The following SRFBP1 variants were observed in gnomAD, a reference collection of about 807,000 sequenced individuals.
The protein encoded by SRFBP1 is serum response factor-binding protein 1.
A neutral mutation model predicts 45.5 loss-of-function variants in SRFBP1; 47 were observed. The observed-to-expected ratio is 1.03, with a 90% CI of 0.82 to 1.32. The LOEUF (loss-of-function observed/expected upper bound fraction) is 1.32, where lower values mean the gene tolerates loss of function less well. Among genes scored for constraint, SRFBP1 ranks in the 40% most tolerant of loss-of-function variants. The pLI is 0.00. For missense variants in SRFBP1, 621 were observed against 484.6 expected, an observed-to-expected ratio of 1.28 and a Z score of -2.64; for synonymous variants, 203 against 166.3, an observed-to-expected ratio of 1.22 and a Z score of -1.70.
intron 2 of SRFBP1, among the ~76,000 whole-genome samples, chr5:122,059,328 G>A (rs933907845): frequency 6.6e-6 from 1 of 152,042 alleles, no homozygotes; most frequent in Non-Finnish European, 1.5e-5. Context: ...CAGAGAGCAG[G>A]TTGCCTAAAT....
At chr5:122,068,478 C>A (rs572836703) in intron 2 of SRFBP1, among the ~76,000 whole-genome samples, 10 of 152,230 alleles carry the variant, frequency 6.6e-5, no homozygotes, top group African/African-American at 2.4e-4. Flanking sequence ...TATTGTATCT[C>A]TATTACAGTT....
At chr5:122,045,947 A>C (rs1753848366) in intron 2 of SRFBP1, among the ~76,000 whole-genome samples, 1 of 152,124 alleles carries the variant, frequency 6.6e-6, no homozygotes, top group Admixed American at 6.6e-5. Flanking sequence ...TTCAAGGGGA[A>C]TGCTTCCAGC....
chr5:121,975,010 A>G (rs761298175), intron 2 of SRFBP1, among the ~76,000 whole-genome samples: 1 of 151,966 alleles, frequency 6.6e-6, no homozygotes, highest in Non-Finnish European at 1.5e-5. Context: ...ATTAAATACA[A>G]TGTACGATTG....
At chr5:121,978,299 A>G (rs1752344551) in intron 3 of SRFBP1, among the ~76,000 whole-genome samples, 1 of 152,160 alleles carries the variant, frequency 6.6e-6, no homozygotes, top group African/African-American at 2.4e-5. Context: ...TATGTTATCC[A>G]CTGTAGTATA....
rs1475501887 is a variant in SRFBP1, at chr5:122,007,695, C to G, written c.271-11565C>G. On this transcript the variant is annotated intron_variant, in intron 4 of 7. Transcript: ENST00000339397. ...TCCAGTGGGAGTTTTCTGGGACAGACCTGGACCCTGGGTCTGCTGGAGAAT... is the reference window on the plus strand; with the variant it reads ...TCCAGTGGGAGTTTTCTGGGACAGAGCTGGACCCTGGGTCTGCTGGAGAAT... Among the ~76,000 whole-genome samples, 18 of 150,652 alleles carry G rather than the reference C, an allele frequency of 1.2e-4. 1 individual carries two copies. Among genetic ancestry groups the G allele is most frequent in the Non-Finnish European group, 2.1e-4 (14 of 67,990 alleles).
chr5:122,056,462 G>A (rs1251180905), intron 2 of SRFBP1, among the ~76,000 whole-genome samples: 3 of 152,102 alleles, frequency 2.0e-5, no homozygotes, highest in Admixed American at 6.6e-5. Flanking sequence ...CTTGAGAAAC[G>A]CATCTGGCTG....
intron 2 of SRFBP1, among the ~76,000 whole-genome samples, chr5:122,036,132 C>T (rs1253033156): frequency 2.0e-5 from 3 of 152,198 alleles, no homozygotes; most frequent in African/African-American, 7.2e-5. Flanking sequence ...TCTTGGTCAG[C>T]TCCTGGGAGA....
In SRFBP1 at chr5:122,070,549, A is replaced by G. The variant is rs1754419594; in HGVS notation, n.312-4766A>G. 6.2e-7 allele frequency: 1 copy of G among 1,609,528 alleles called. No homozygotes were observed. The highest frequency in any genetic ancestry group is 1.7e-4 in the Middle Eastern group (1 of 5,988). On this transcript the variant is annotated intron_variant and non_coding_transcript_variant, in intron 2 of 2. Transcript: ENST00000504881. ...TGTAATATCAATCCACTGGCAGTCTATGTCTGCACCATAGGTATCATAACA... is the reference window on the plus strand; with the variant it reads ...TGTAATATCAATCCACTGGCAGTCTGTGTCTGCACCATAGGTATCATAACA...
intron 7 of SRFBP1, among the ~76,000 whole-genome samples, chr5:122,023,072 A>C (rs1351865826): frequency 6.6e-6 from 1 of 152,210 alleles, no homozygotes; most frequent in Non-Finnish European, 1.5e-5. Flanking sequence ...GTTTGTGAGC[A>C]AGGCCTGAAA....
At chr5:121,998,195 G>A (rs1452856661) in intron 4 of SRFBP1, among the ~76,000 whole-genome samples, 1 of 151,758 alleles carries the variant, frequency 6.6e-6, no homozygotes, top group African/African-American at 2.4e-5. Flanking sequence ...AAATCATGCT[G>A]CTATAAAGAC....
At chr5:122,040,524 T>C in intron 2 of SRFBP1, among the ~76,000 whole-genome samples, 1 of 152,122 alleles carries the variant, frequency 6.6e-6, no homozygotes, top group East Asian at 1.9e-4. Flanking sequence ...GGAGGGTATT[T>C]GTGTTTATTT....
At chr5:122,003,818 T>C (rs180938536) in intron 4 of SRFBP1, among the ~76,000 whole-genome samples, 20 of 152,344 alleles carry the variant, frequency 1.3e-4, no homozygotes, top group Admixed American at 1.1e-3. Flanking sequence ...TTAGTGATAT[T>C]GAACATTTTT....
At chr5:122,056,530 T>G (rs1023166868) in intron 2 of SRFBP1, among the ~76,000 whole-genome samples, 4 of 152,160 alleles carry the variant, frequency 2.6e-5, no homozygotes, top group African/African-American at 7.2e-5. Context: ...AATTAAAAGT[T>G]TAGGGAGAAA....
At chr5:122,017,192 G>A (rs1209844162) in intron 4 of SRFBP1, among the ~76,000 whole-genome samples, 1 of 152,138 alleles carries the variant, frequency 6.6e-6, no homozygotes, top group East Asian at 1.9e-4. Flanking sequence ...TCACGCTACT[G>A]CAACTCCAGC....
chr5:122,031,164 C>G (rs1183648588), downstream of SRFBP1, among the ~76,000 whole-genome samples: 3 of 152,242 alleles, frequency 2.0e-5, no homozygotes, highest in East Asian at 3.9e-4. Context: ...TAGCACACTA[C>G]TAAGCATATG....
At chr5:122,039,576 A>G (rs1753741434) in intron 2 of SRFBP1, among the ~76,000 whole-genome samples, 1 of 152,192 alleles carries the variant, frequency 6.6e-6, no homozygotes, top group Non-Finnish European at 1.5e-5. Context: ...AAAACTTTCC[A>G]GATAATCTTC....
chr5:121,995,503 A>G (rs1380334896), intron 4 of SRFBP1, among the ~76,000 whole-genome samples: 5 of 152,324 alleles, frequency 3.3e-5, no homozygotes, highest in African/African-American at 7.2e-5. Flanking sequence ...TCTCTGGGAC[A>G]CATTCAAAGC....
chr5:121,968,509 A>G (rs1752120945), intron 1 of SRFBP1, among the ~76,000 whole-genome samples: 2 of 152,188 alleles, frequency 1.3e-5, no homozygotes, highest in African/African-American at 4.8e-5. Context: ...TTCAGGTTTT[A>G]TCCATGTAAT....
At chr5:122,054,129 C>T (rs560759726) in intron 2 of SRFBP1, among the ~76,000 whole-genome samples, 12 of 152,290 alleles carry the variant, frequency 7.9e-5, no homozygotes, top group African/African-American at 2.9e-4. Context: ...CTGATCTGCT[C>T]CAGGGCCCAA....
Sources: allele counts gnomAD v4.1 joint callset (sites outside exome capture counted in the v4.1 genomes callset), GRCh38; gene constraint gnomAD v4.1.1; transcripts MANE v1.5; gene names NCBI Gene and HGNC (gene_info 2026-07-23, HGNC 2026-07-21).